CDH18: variants seen among roughly 807,000 people sequenced by gnomAD.
CDH18 encodes cadherin 18.
Under a neutral mutation model 67.9 loss-of-function variants are expected in CDH18, and 31 were observed. The observed-to-expected ratio is 0.46, with a 90% confidence interval of 0.34 to 0.62. CDH18 has a LOEUF of 0.62. Ranked by LOEUF, CDH18 falls within the 20% of genes least tolerant of loss-of-function variation. CDH18 has a pLI of 0.01. For synonymous variants in CDH18, 362 were observed against 347.2 expected (o/e 1.04, Z -0.48); for missense variants, 890 against 975.5 (o/e 0.91, Z 1.17).
chr5:20,210,183 C>T (rs1287068895), intron 2 of CDH18, among the ~76,000 whole-genome samples: 4 of 151,696 alleles, frequency 2.6e-5, no homozygotes, highest in Admixed American at 1.3e-4. Context: ...CCTACAAGAA[C>T]GCCATTTAGA....
In CDH18 at chr5:20,543,064, A is replaced by C. The variant is rs139582735; in HGVS notation, c.-580+32398T>G. Among the ~76,000 whole-genome samples the C allele has an allele frequency of 1.1e-4, 17 of 152,136 alleles. No individual in the cohort carries two copies. The East Asian group carries it at 3.1e-3, about 28-fold the overall frequency. On this transcript the variant is annotated intron_variant, in intron 1 of 14. Transcript: ENST00000507958. Reference sequence around the variant, plus strand: ...GATTGTTTTGCTGGCAAACTTTTTAAAATTGTTTTAATAAATGGCTTAACC... The same window carrying C: ...GATTGTTTTGCTGGCAAACTTTTTACAATTGTTTTAATAAATGGCTTAACC...
intron 2 of CDH18, among the ~76,000 whole-genome samples, chr5:19,970,905 T>G (rs1015165871): frequency 6.6e-6 from 1 of 151,710 alleles, no homozygotes. Flanking sequence ...TAAAAACAGA[T>G]AGTGAAGAAT....
chr5:19,480,810 G>C (rs1739303873), intron 12 of CDH18, among the ~76,000 whole-genome samples: 1 of 152,016 alleles, frequency 6.6e-6, no homozygotes, highest in African/African-American at 2.4e-5. Flanking sequence ...AAGTGCGGTG[G>C]TGTGATCATG....
At chr5:20,304,463 C>T (rs1389027542) in intron 1 of CDH18, 16 of 1,542,284 alleles carry the variant, frequency 1.0e-5, no homozygotes, top group Admixed American at 3.3e-5. Flanking sequence ...GCATTCACCA[C>T]TGTCACCTTC....
chr5:20,364,897 GTTAC>G (rs955405007), intron 1 of CDH18, among the ~76,000 whole-genome samples: 12 of 152,178 alleles, frequency 7.9e-5, no homozygotes, highest in African/African-American at 1.7e-4. Context: ...TAAATCAATA[GTTAC>G]TTAATGACTC....
chr5:20,376,091 A>ATGTTTTTTTTTT, intron 1 of CDH18, among the ~76,000 whole-genome samples: 1 of 49,748 alleles, frequency 2.0e-5, no homozygotes, highest in Non-Finnish European at 3.8e-5. Flanking sequence ...AAAAGAAACA[A>ATGTTTTTTTTTT]TTTTTTTTTT....
At chr5:19,629,255 A>T (rs950933796) in intron 5 of CDH18, among the ~76,000 whole-genome samples, 8 of 152,172 alleles carry the variant, frequency 5.3e-5, no homozygotes, top group Non-Finnish European at 1.2e-4. Context: ...CCTCTACAAG[A>T]TGAGAAGTAT....
chr5:19,538,986 A>C (rs907626023), intron 9 of CDH18, among the ~76,000 whole-genome samples: 1 of 152,188 alleles, frequency 6.6e-6, no homozygotes, highest in Non-Finnish European at 1.5e-5. Flanking sequence ...ATATTAGAAA[A>C]TACTTGGGTA....
chr5:19,509,369 C>T (rs1744755855), intron 10 of CDH18, among the ~76,000 whole-genome samples: 1 of 152,046 alleles, frequency 6.6e-6, no homozygotes, highest in South Asian at 2.1e-4. Flanking sequence ...AATGCATACA[C>T]TACAGGCCCA....
chr5:19,763,287 A>G (rs1772616480), intron 3 of CDH18, among the ~76,000 whole-genome samples: 1 of 152,234 alleles, frequency 6.6e-6, no homozygotes, highest in Non-Finnish European at 1.5e-5. Context: ...AAGATTGTTA[A>G]TGGGAGCATG....
chr5:20,519,658 T>A (rs1755605261), intron 1 of CDH18, among the ~76,000 whole-genome samples: 1 of 151,740 alleles, frequency 6.6e-6, no homozygotes, highest in Non-Finnish European at 1.5e-5. Context: ...TCAAGAAGCA[T>A]CCAGGGAAGT....
intron 1 of CDH18, among the ~76,000 whole-genome samples, chr5:20,335,741 G>C (rs1318344253): frequency 6.6e-6 from 1 of 151,764 alleles, no homozygotes; most frequent in Non-Finnish European, 1.5e-5. Flanking sequence ...CTGAAACATA[G>C]TAGAATCTCA....
chr5:19,670,931 C>G (rs1758661214), intron 5 of CDH18, among the ~76,000 whole-genome samples: 1 of 151,788 alleles, frequency 6.6e-6, no homozygotes, highest in Admixed American at 6.6e-5. Flanking sequence ...TATTTTGTGG[C>G]TAAACCAAAT....
At chr5:20,302,955 C>A (rs940696768) in intron 1 of CDH18, among the ~76,000 whole-genome samples, 1 of 152,066 alleles carries the variant, frequency 6.6e-6, no homozygotes, top group African/African-American at 2.4e-5. Context: ...GTGTGCATAA[C>A]CCTGGCTCCC....
chr5:19,683,032 C>T lies in CDH18; in HGVS notation c.643+38315G>A, dbSNP rs1760554391. Among the ~76,000 whole-genome samples, 4 of 152,040 alleles carry T rather than the reference C, an allele frequency of 2.6e-5. No individual in the cohort carries two copies. The South Asian group carries it at 8.3e-4, about 32-fold the overall frequency. On this transcript the variant is annotated intron_variant, in intron 5 of 12. Coordinates refer to ENST00000382275, the MANE Select transcript of CDH18 (RefSeq NM_004934.5). ...TTTTTATAGATTTGAACAATATGCA[C>T]ATATTATCTCCATTTTTACAGAACA...
intron 3 of CDH18, among the ~76,000 whole-genome samples, chr5:19,754,056 A>G (rs1488182569): frequency 6.6e-6 from 1 of 152,160 alleles, no homozygotes; most frequent in African/African-American, 2.4e-5. Context: ...GACCTATAAA[A>G]CAAAATAGAA....
chr5:20,004,776 G>T (rs1243247137), intron 2 of CDH18, among the ~76,000 whole-genome samples: 1 of 152,122 alleles, frequency 6.6e-6, no homozygotes, highest in Non-Finnish European at 1.5e-5. Flanking sequence ...TGGCACTGAA[G>T]AAATCACTAC....
At position 20,259,459 on chromosome 5, in the gene CDH18, T is replaced by G. The variant is rs532377369; in HGVS notation, c.-579-3954A>C. The stretch of plus-strand genomic sequence containing the variant: ...TGAGGCCCCAAGACCAACTCTTCCT[T>G]TTCCTCCTCCTACTCAGACTACTTA... On this transcript the variant is annotated intron_variant, in intron 1 of 14. Coordinates refer to the CDH18 transcript ENST00000507958. 2.0e-5 allele frequency among the ~76,000 whole-genome samples: 3 copies of G among 152,216 alleles called. No individual in the cohort carries two copies. In the South Asian group the frequency reaches 6.2e-4, roughly 32 times the overall value.
At chr5:19,917,930 A>T (rs1325241712) in intron 2 of CDH18, among the ~76,000 whole-genome samples, 1 of 152,180 alleles carries the variant, frequency 6.6e-6, no homozygotes, top group East Asian at 1.9e-4. Flanking sequence ...TATTGGGCAA[A>T]TACCAATAAA....
Sources: allele counts gnomAD v4.1 joint callset (sites outside exome capture counted in the v4.1 genomes callset), GRCh38; gene constraint gnomAD v4.1.1; transcripts MANE v1.5; gene names NCBI Gene and HGNC (gene_info 2026-07-23, HGNC 2026-07-21).